The following WDR74 variants were observed in gnomAD, a reference collection of about 807,000 sequenced individuals.
WDR74 encodes the protein WD repeat domain 74, also known as WD repeat-containing protein 74.
WDR74 carries 31 observed loss-of-function variants against 45.6 expected under a neutral mutation model. The observed-to-expected ratio is 0.68, with a 90% CI of 0.51 to 0.92. The LOEUF (loss-of-function observed/expected upper bound fraction) is 0.92. WDR74 is among the 40% of genes least tolerant of loss of function. The probability of loss-of-function intolerance (pLI) is 0.00; values close to 1 mark genes in which losing one functional copy is unlikely to be tolerated. For synonymous variants in WDR74, 191 were observed against 192.4 expected (o/e 0.99, Z 0.06); for missense variants, 455 against 497.2 (o/e 0.92, Z 0.81).
chr11:62,835,674 C>G, intron 5 of WDR74, 21 bp downstream of exon 5: 2 of 1,613,960 alleles, frequency 1.2e-6, no homozygotes, highest in Non-Finnish European at 1.7e-6. Flanking sequence ...GGAACAGCTC[C>G]TTCACACTCT....
Position 62,833,051 on chromosome 11 carries a change from C to T in WDR74, c.1059G>A (p.Glu353=), listed in dbSNP as rs780592401. The T allele has an allele frequency of 1.2e-6, 2 of 1,611,294 alleles. No individual in the cohort carries two copies. The highest frequency in any genetic ancestry group is 1.1e-5 in the South Asian group (1 of 90,544). ...CCGAGAGCTTCCGCTTGGCAGCTGC[C>T]TCCAAGGATGCCCAAAGTTCATCTG... is the stretch of plus-strand genomic sequence containing the variant. The part of the protein sequence containing the change: ...TETDELWASL[E]AAAKRKLSGL... The change falls in exon 11 of 11, where the codon GAG becomes GAA. Residue 353 remains glutamate (E), a synonymous_variant. Coordinates refer to ENST00000278856, the MANE Select transcript of WDR74 (RefSeq NM_001369450.1).
At chr11:62,834,102 A>G (rs1197844451) in intron 8 of WDR74, 165 bp from the exon 9 acceptor site, 1 of 1,394,930 alleles carries the variant, frequency 7.2e-7, no homozygotes, top group Non-Finnish European at 9.9e-7. Flanking sequence ...ACTAAGGCAC[A>G]GGGAGTTGAA....
chr11:62,841,634 C>CT (rs1164623739), upstream of WDR74: 1 of 152,228 alleles, frequency 6.6e-6, no homozygotes. Flanking sequence ...GTGCACCGTT[C>CT]CTGGAAGTAC....
chr11:62,839,564 C>G lies in WDR74; in HGVS notation c.7G>C (p.Ala3Pro), dbSNP rs764291852. 3.7e-6 allele frequency: 6 copies of G among 1,609,800 alleles called. No homozygotes were observed. In the Admixed American group the frequency reaches 1.0e-4, roughly 27 times the overall value. The change falls in exon 1 of 11, where the codon GCT becomes CCT. Residue 3 changes from alanine (A) to proline (P), a missense_variant. Ala to Pro is a conservative substitution (Grantham distance 27). Transcript: ENST00000278856. ...ACATGGTTCCAGCGTGCAGCAGCAG[C>G]CGCCATGACAAAGCCTGGAGGCAGA... MA[A>P]AAARWNHVWV...
chr11:62,835,934 C>T, intron 4 of WDR74, 27 bp downstream of exon 4: 1 of 1,586,370 alleles, frequency 6.3e-7, no homozygotes. Context: ...CCCACCTCCC[C>T]CAACCATCAG....
chr11:62,834,490 G>A lies in WDR74; in HGVS notation c.656C>T (p.Pro219Leu), dbSNP rs1337082336. ...CTCTCCATAGGTGGTCTCTAGGACT[G>A]GCCGGCGCTGGGGGGATGCTGGATC... ...VYDPASPQRRPVLETTYGEYP... is the reference protein window; with the variant it reads ...VYDPASPQRRLVLETTYGEYP... Residue 219 changes from proline (P) to leucine (L), a missense_variant, in exon 7 of 11, where the codon CCA becomes CTA. Pro to Leu is a moderately conservative substitution (Grantham distance 98, BLOSUM62 -3). Transcript: ENST00000278856. 4 of 1,610,142 alleles carry A rather than the reference G, an allele frequency of 2.5e-6. No individual in the cohort carries two copies. Among genetic ancestry groups the A allele is most frequent in the Non-Finnish European group, 3.4e-6 (4 of 1,179,502 alleles).
chr11:62,835,674 C>T (rs982175097), intron 5 of WDR74, 21 bp downstream of exon 5: 3 of 1,613,960 alleles, frequency 1.9e-6, no homozygotes, highest in Non-Finnish European at 2.5e-6. Flanking sequence ...GGAACAGCTC[C>T]TTCACACTCT....
At chr11:62,839,647 C>A, upstream of WDR74, 1 of 1,509,284 alleles carries the variant, frequency 6.6e-7, no homozygotes, top group South Asian at 1.3e-5. Context: ...TCCGATGCAG[C>A]GCAGTGTAGT....
intron 7 of WDR74, 30 bp downstream of exon 7, chr11:62,834,397 C>A (rs1279721378): frequency 1.3e-6 from 2 of 1,572,482 alleles, no homozygotes. Flanking sequence ...CAAGCCCCAC[C>A]CTCCCACCCC....
chr11:62,836,095 T>A (rs564842663), intron 3 of WDR74, 59 bp from the exon 4 acceptor site: 1 of 1,492,492 alleles, frequency 6.7e-7, no homozygotes, highest in Admixed American at 2.0e-5. Context: ...GTTCTAATCT[T>A]TCTCTCCTCC....
upstream of WDR74, among the ~76,000 whole-genome samples, chr11:62,841,154 T>G (rs1380428832): frequency 6.6e-6 from 1 of 152,080 alleles, no homozygotes; most frequent in South Asian, 2.1e-4. Context: ...CCGTCTCTAT[T>G]AAAAGTATAA....
intron 3 of WDR74, 57 bp from the exon 4 acceptor site, chr11:62,836,093 CTT>C: frequency 6.7e-7 from 1 of 1,492,926 alleles, no homozygotes; most frequent in Non-Finnish European, 9.1e-7. Context: ...TTGTTCTAAT[CTT>C]TCTCTCCTCC....
intron 8 of WDR74, 122 bp from the exon 9 acceptor site, chr11:62,834,059 T>G: frequency 1.4e-6 from 2 of 1,467,054 alleles, no homozygotes; most frequent in East Asian, 4.6e-5. Context: ...AGACTGGAGC[T>G]TCTACTAATA....
chr11:62,841,533 ACTCAAACAACAAGAACATAACTAT>A (rs998280360), upstream of WDR74: 2 of 151,624 alleles, frequency 1.3e-5, no homozygotes, highest in African/African-American at 4.8e-5. Context: ...ACCTAATCCA[ACTCAAACAACAAGAACATAACTAT>A]TTAGCTTGTA....
chr11:62,834,144 G>A (rs1405037541), intron 8 of WDR74, 132 bp downstream of exon 8: 11 of 1,489,372 alleles, frequency 7.4e-6, no homozygotes, highest in Non-Finnish European at 1.0e-5. Flanking sequence ...AGCTTTTAGG[G>A]AAACCAGGAT....
chr11:62,834,374 C>T (rs768934227), intron 7 of WDR74, 43 bp from the exon 8 acceptor site: 56 of 1,612,952 alleles, frequency 3.5e-5, no homozygotes, highest in Middle Eastern at 3.8e-4. Flanking sequence ...CAGTAACCTC[C>T]TGGAGCCCTT....
At position 62,836,034 on chromosome 11, in the gene WDR74, G is replaced by C; in HGVS notation, c.296C>G (p.Thr99Ser). 1 of 1,585,780 alleles carries C rather than the reference G, an allele frequency of 6.3e-7. No homozygotes were observed. The highest frequency in any genetic ancestry group is 8.6e-7 in the Non-Finnish European group (1 of 1,165,594). Residue 99 changes from threonine to serine, a missense_variant and splice_region_variant, in exon 4 of 11, where the codon ACC becomes AGC. Thr to Ser is a moderately conservative substitution (Grantham distance 58, BLOSUM62 1). Transcript: ENST00000278856. Reference protein sequence around the residue: ...MFRGLAQADGTLITCVDSGIL... With the variant: ...MFRGLAQADGSLITCVDSGIL... ...CCCAGAATCCACACATGTGATGAGG[G>C]TGCTGCAGAGAAAGGATAGAGTTGG... is the stretch of plus-strand genomic sequence containing the variant.
Position 62,833,899 on chromosome 11 carries a change from C to A in WDR74, c.814G>T (p.Val272Leu). 6.2e-7 allele frequency: 1 copy of A among 1,614,000 alleles called. No individual in the cohort carries two copies. Reference sequence around the variant, plus strand: ...GAAGGGTGGCACTGCAACCCACGCACACTGCCTGCCAGCCCCTTCAGACAG... The same window carrying A: ...GAAGGGTGGCACTGCAACCCACGCAAACTGCCTGCCAGCCCCTTCAGACAG... ...LGCLKGLAGSVRGLQCHPSKP... is the reference protein window; with the variant it reads ...LGCLKGLAGSLRGLQCHPSKP... Residue 272 changes from valine to leucine, a missense_variant, in exon 9 of 11, where the codon GTG becomes TTG. Transcript: ENST00000278856.
chr11:62,841,599 CGGTT>C (rs1446939650), upstream of WDR74: 2 of 152,152 alleles, frequency 1.3e-5, no homozygotes, highest in Non-Finnish European at 2.9e-5. Context: ...CATTAAACAA[CGGTT>C]GTTCTCTCCC....
Sources: gnomAD v4.1 joint callset for allele counts (sites outside exome capture counted in the v4.1 genomes callset) on GRCh38, gnomAD v4.1.1 for gene constraint, MANE v1.5 for transcripts, NCBI Gene and HGNC (gene_info 2026-07-23, HGNC 2026-07-21) for gene names.